NUP155: variants seen among roughly 807,000 people sequenced by gnomAD.
The protein encoded by NUP155 is nuclear pore complex protein Nup155.
NUP155 carries 71 observed loss-of-function variants against 180.4 expected under a neutral mutation model. That is an observed-to-expected ratio of 0.39 (90% CI 0.33 to 0.48). The LOEUF (loss-of-function observed/expected upper bound fraction) is 0.48, where lower values mean the gene tolerates loss of function less well. Among genes scored for constraint, NUP155 ranks in the 20% least tolerant of loss-of-function variants. The pLI is 0.91. For missense variants in NUP155, 1,553 were observed against 1,648.9 expected, an observed-to-expected ratio of 0.94 and a Z score of 1.01; for synonymous variants, 582 against 559.5, an observed-to-expected ratio of 1.04 and a Z score of -0.57.
At position 37,291,908 on chromosome 5, in the gene NUP155, G is replaced by A; in HGVS notation, c.4168C>T (p.Leu1390Phe). The A allele has an allele frequency of 6.2e-7, 1 of 1,613,834 alleles. No individual in the cohort carries two copies. The highest frequency in any genetic ancestry group is 8.5e-7 in the Non-Finnish European group (1 of 1,179,796). ...FKSLQAKLER[L>F]H ...AAAGTATATCACAGTAATTAATGAAGCCGTTCTAATTTAGCTTGAAGAGAT... is the reference window on the plus strand; with the variant it reads ...AAAGTATATCACAGTAATTAATGAAACCGTTCTAATTTAGCTTGAAGAGAT... Residue 1390 changes from leucine to phenylalanine, a missense_variant, in exon 35 of 35, where the codon CTT (leucine) becomes TTT (phenylalanine). Coordinates refer to ENST00000231498, the MANE Select transcript of NUP155 (RefSeq NM_153485.3).
At chr5:37,356,981 C>T (rs1453994090) in intron 4 of NUP155, among the ~76,000 whole-genome samples, 1 of 151,972 alleles carries the variant, frequency 6.6e-6, no homozygotes, top group African/African-American at 2.4e-5. Context: ...GTGGCACATG[C>T]CTGTAATCCC....
intron 28 of NUP155, 92 bp from the exon 29 acceptor site, chr5:37,303,000 C>T (rs1742948178): frequency 1.5e-6 from 2 of 1,367,286 alleles, no homozygotes; most frequent in Non-Finnish European, 2.1e-6. Flanking sequence ...TCATACCAAA[C>T]ACACATAAAA....
At chr5:37,297,861 T>G (rs920729754) in intron 32 of NUP155, among the ~76,000 whole-genome samples, 5 of 130,214 alleles carry the variant, frequency 3.8e-5, no homozygotes, top group African/African-American at 1.4e-4. Context: ...AAAATGGTTT[T>G]ATTTCTGACT....
intron 32 of NUP155, 108 bp from the exon 33 acceptor site, chr5:37,294,573 A>C: frequency 8.6e-7 from 1 of 1,167,998 alleles, no homozygotes; most frequent in East Asian, 2.5e-5. Flanking sequence ...TCTGAAATCC[A>C]ATTGCAATTT....
intron 11 of NUP155, among the ~76,000 whole-genome samples, chr5:37,339,866 C>T (rs1394588389): frequency 2.0e-5 from 3 of 152,042 alleles, no homozygotes; most frequent in Admixed American, 6.6e-5. Context: ...CCAGTTCAAG[C>T]GATTCTCTTG....
At chr5:37,370,685 T>A in intron 1 of NUP155, 136 bp downstream of exon 1, 1 of 1,607,878 alleles carries the variant, frequency 6.2e-7, no homozygotes, top group Non-Finnish European at 8.5e-7. Flanking sequence ...AGCTGCTTGC[T>A]GTTCTCCAAA....
chr5:37,305,364 G>C (rs1743096526), intron 25 of NUP155, among the ~76,000 whole-genome samples, 154 bp from the exon 26 acceptor site: 1 of 148,844 alleles, frequency 6.7e-6, no homozygotes, highest in Non-Finnish European at 1.5e-5. Context: ...GGGCAACAGA[G>C]CGGGACCACG....
chr5:37,351,488 C>T (rs189666266), intron 5 of NUP155, 132 bp from the exon 6 acceptor site: 457 of 645,080 alleles, frequency 7.1e-4, no homozygotes, highest in Middle Eastern at 1.8e-3. Context: ...TACTCTGTCA[C>T]CCAGGCTGGG....
At chr5:37,364,502 T>C in intron 1 of NUP155, 118 bp from the exon 2 acceptor site, 1 of 870,122 alleles carries the variant, frequency 1.1e-6, no homozygotes, top group East Asian at 2.6e-5. Context: ...AGAGAGAATA[T>C]TCTAGTTTTG....
At chr5:37,356,553 C>T (rs931713490) in intron 4 of NUP155, among the ~76,000 whole-genome samples, 2 of 151,946 alleles carry the variant, frequency 1.3e-5, no homozygotes, top group Non-Finnish European at 2.9e-5. Context: ...GCAGGAGAAT[C>T]GCTTGAACTC....
chr5:37,309,099 A>G (rs1743361687), intron 24 of NUP155, 30 bp downstream of exon 24: 2 of 1,608,914 alleles, frequency 1.2e-6, no homozygotes, highest in African/African-American at 2.7e-5. Context: ...TGAGTTGAGT[A>G]AAAGATACAA....
Position 37,352,720 on chromosome 5 carries a change from C to T in NUP155, c.556+17G>A. ...ATACTATTATTTTAAAAAACGTTAA[C>T]ATGTGGGTTGCCATACCTGTTTGCA... On this transcript the variant is annotated intron_variant, in intron 5 of 34. Transcript: ENST00000231498. The T allele has an allele frequency of 6.5e-7, 1 of 1,548,588 alleles. No individual in the cohort carries two copies. The highest frequency in any genetic ancestry group is 8.9e-7 in the Non-Finnish European group (1 of 1,120,782).
chr5:37,291,200 T>C lies in NUP155; in HGVS notation c.*700A>G, dbSNP rs1201229799. The C allele has an allele frequency of 6.6e-6, 1 of 152,234 alleles. No individual in the cohort carries two copies. The highest frequency in any genetic ancestry group is 1.5e-5 in the Non-Finnish European group (1 of 68,048). 9.4% of individuals were successfully genotyped at this position (152,234 alleles called of 1,614,324 possible). ...GTTATTTGCCTATTTAAGGACGGTT[T>C]TAGAATCCACTATTATGGGAATGGA... On this transcript the variant is annotated 3_prime_UTR_variant, in exon 35 of 35. Transcript: ENST00000231498.
intron 9 of NUP155, among the ~76,000 whole-genome samples, chr5:37,345,192 A>G (rs1745995831): frequency 1.3e-5 from 2 of 151,944 alleles, no homozygotes; most frequent in South Asian, 4.2e-4. Context: ...CAATTTTAAT[A>G]TGGACTAAGT....
intron 6 of NUP155, 90 bp downstream of exon 6, chr5:37,351,100 G>T: frequency 1.0e-6 from 1 of 997,168 alleles, no homozygotes; most frequent in Non-Finnish European, 1.5e-6. Flanking sequence ...ATATATTAAT[G>T]TCCTTATATA....
intron 4 of NUP155, among the ~76,000 whole-genome samples, chr5:37,357,713 G>T (rs1240115986): frequency 6.6e-6 from 1 of 152,206 alleles, no homozygotes; most frequent in Non-Finnish European, 1.5e-5. Context: ...GGTGTTGTCA[G>T]CCAGGCGCGG....
intron 14 of NUP155, among the ~76,000 whole-genome samples, chr5:37,331,020 G>A (rs933069315): frequency 1.3e-5 from 2 of 151,850 alleles, no homozygotes; most frequent in African/African-American, 2.4e-5. Flanking sequence ...GTGGTGGGGG[G>A]GTCCTGTAGT....
intron 32 of NUP155, 56 bp from the exon 33 acceptor site, chr5:37,294,521 G>A: frequency 4.6e-6 from 7 of 1,527,388 alleles, no homozygotes; most frequent in Non-Finnish European, 6.3e-6. Flanking sequence ...ATACTAAAAG[G>A]TAGGTCTTAT....
chr5:37,339,302 T>A (rs1281524797), intron 11 of NUP155, among the ~76,000 whole-genome samples: 1 of 138,876 alleles, frequency 7.2e-6, no homozygotes, highest in Non-Finnish European at 1.5e-5. Context: ...CAGTAGACAC[T>A]GTCTCAAAAA....
Sources: gnomAD v4.1 joint callset for allele counts (sites outside exome capture counted in the v4.1 genomes callset) on GRCh38, gnomAD v4.1.1 for gene constraint, MANE v1.5 for transcripts, NCBI Gene and HGNC (gene_info 2026-07-23, HGNC 2026-07-21) for gene names.